The following COL5A1 variants were observed in gnomAD, a reference collection of about 807,000 sequenced individuals.
COL5A1 encodes collagen alpha-1(V) chain.
Under a neutral mutation model 263.7 loss-of-function variants are expected in COL5A1, and 16 were observed. That is an observed-to-expected ratio of 0.06 (90% CI 0.04 to 0.09). COL5A1 has a LOEUF of 0.09. Among genes scored for constraint, COL5A1 ranks in the 10% least tolerant of loss-of-function variants. COL5A1 has a pLI of 1.00. For synonymous variants in COL5A1, 1,012 were observed against 1,004.5 expected (o/e 1.01, Z -0.14); for missense variants, 2,036 against 2,540.5 (o/e 0.80, Z 4.27).
chr9:134,643,889 C>T lies in COL5A1; in HGVS notation c.109+1593C>T, dbSNP rs1171165265. ...AGGGCACTGCCTGGGGACCATGCACCGGACTGGGCTTGGGGTTCCATTTCC... is the reference window on the plus strand; with the variant it reads ...AGGGCACTGCCTGGGGACCATGCACTGGACTGGGCTTGGGGTTCCATTTCC... On this transcript the variant is annotated intron_variant, in intron 1 of 65. Coordinates refer to ENST00000371817, the MANE Select transcript of COL5A1 (RefSeq NM_000093.5). 2.0e-5 allele frequency among the ~76,000 whole-genome samples: 3 copies of T among 152,140 alleles called. 1 individual carries two copies. Among genetic ancestry groups the T allele is most frequent in the South Asian group, 4.1e-4 (2 of 4,834 alleles).
At position 134,678,391 on chromosome 9, in the gene COL5A1, G is replaced by A. The variant is rs545085132; in HGVS notation, c.110-12521G>A. Among the ~76,000 whole-genome samples, 69 of 152,342 alleles carry A rather than the reference G, an allele frequency of 4.5e-4. No homozygotes were observed. The South Asian group carries it at 5.2e-3, about 11-fold the overall frequency. Reference sequence around the variant, plus strand: ...TGCCCCTCCCCCATGGTGCTCGGGTGCATGGATGGTGCCCAGGGTCCAGTC... The same window carrying A: ...TGCCCCTCCCCCATGGTGCTCGGGTACATGGATGGTGCCCAGGGTCCAGTC... On this transcript the variant is annotated intron_variant, in intron 1 of 65. Transcript: ENST00000371817. The surrounding 1 kb of genome is among the most constrained non-coding windows in gnomAD (Gnocchi z 5.5).
chr9:134,706,737 C>T (rs922987274), intron 4 of COL5A1, among the ~76,000 whole-genome samples: 3 of 152,240 alleles, frequency 2.0e-5, no homozygotes, highest in Non-Finnish European at 4.4e-5. Context: ...TGTGGGCCCC[C>T]GCCTGGCATT....
chr9:134,707,937 C>A lies in COL5A1; in HGVS notation c.654+6604C>A, dbSNP rs146132579. ...GTGCTGAGCTGTGTGCGGCTGGCGG[C>A]TCCGGGACGTGAGGGGATTCTGCTG... On this transcript the variant is annotated intron_variant, in intron 4 of 65. Coordinates refer to ENST00000371817, the MANE Select transcript of COL5A1 (RefSeq NM_000093.5). 3.1e-3 allele frequency among the ~76,000 whole-genome samples: 476 copies of A among 152,342 alleles called. 1 individual carries two copies. Among genetic ancestry groups the A allele is most frequent in the African/African-American group, 0.011 (461 of 41,578 alleles).
At chr9:134,712,070 G>GCC in intron 4 of COL5A1, among the ~76,000 whole-genome samples, 1 of 36,836 alleles carries the variant, frequency 2.7e-5, no homozygotes, top group East Asian at 6.0e-4. Flanking sequence ...CCTCCTTCCT[G>GCC]TACCCCTCCT....
chr9:134,716,486 G>A lies in COL5A1; in HGVS notation c.655-10780G>A, dbSNP rs183344928. Among the ~76,000 whole-genome samples the A allele has an allele frequency of 2.0e-3, 310 of 152,270 alleles. 2 individuals carry two copies. Among genetic ancestry groups the A allele is most frequent in the African/African-American group, 7.3e-3 (303 of 41,554 alleles). On this transcript the variant is annotated intron_variant, in intron 4 of 65. Coordinates refer to ENST00000371817, the MANE Select transcript of COL5A1 (RefSeq NM_000093.5). This position sits in a 1 kb window ranked among gnomAD's most constrained non-coding sequence, Gnocchi z 4.5. ...GATGTGGAGAAGGAGCAGCTCAAGC[G>A]TGCACTGCCCAAGCCACAAGTGCAG...
In COL5A1 at chr9:134,641,909, TGGA is replaced by T. The variant is rs886063671; in HGVS notation, c.-261_-259del. ...CGGCGAGGAGGAGGCGAGAAGGAGT[TGGA>T]GGAGGAGGAGGAGGAGGCGAGGGCG... On this transcript the variant is annotated 5_prime_UTR_variant, in exon 1 of 66. Coordinates refer to ENST00000371817, the MANE Select transcript of COL5A1 (RefSeq NM_000093.5). 1.7e-3 allele frequency: 595 copies of T among 352,120 alleles called. 1 individual carries two copies. The highest frequency in any genetic ancestry group is 5.9e-3 in the African/African-American group (272 of 46,448). 21.8% of individuals were successfully genotyped at this position (352,120 alleles called of 1,614,324 possible).
chr9:134,732,231 G>A (rs561830420), intron 9 of COL5A1, 104 bp downstream of exon 9: 32 of 1,215,540 alleles, frequency 2.6e-5, no homozygotes, highest in East Asian at 4.7e-5. Context: ...CTGCACCTGC[G>A]CGCACTGGGT....
At chr9:134,762,519 G>C (rs556622976) in intron 19 of COL5A1, among the ~76,000 whole-genome samples, 1 of 152,286 alleles carries the variant, frequency 6.6e-6, no homozygotes, top group South Asian at 2.1e-4. Context: ...CCGGGGTCTG[G>C]TATCTGCCAC....
rs751537287 is a variant in COL5A1, at chr9:134,835,027, G to A, written c.5193G>A (p.Leu1731=). Residue 1731 remains leucine (L), a synonymous_variant, in exon 65 of 66, where the codon CTG becomes CTA. Transcript: ENST00000371817. ...TGGGTGTGGTACAGATGACCTTCCTGCGGCTGCTGAGCGCCTCTGCCCACC... is the reference window on the plus strand; with the variant it reads ...TGGGTGTGGTACAGATGACCTTCCTACGGCTGCTGAGCGCCTCTGCCCACC... The part of the protein sequence containing the change: ...NPVGVVQMTF[L]RLLSASAHQN... 9.3e-6 allele frequency: 15 copies of A among 1,613,494 alleles called. No homozygotes were observed. Among genetic ancestry groups the A allele is most frequent in the Middle Eastern group, 1.6e-4 (1 of 6,062 alleles).
In COL5A1 at chr9:134,757,130, G is replaced by A. The variant is rs1207280356; in HGVS notation, c.1881+312G>A. On this transcript the variant is annotated intron_variant, in intron 17 of 65. Coordinates refer to ENST00000371817, the MANE Select transcript of COL5A1 (RefSeq NM_000093.5). The surrounding 1 kb of genome is among the most constrained non-coding windows in gnomAD (Gnocchi z 6.2). Reference sequence around the variant, plus strand: ...GAGGCGCATGTAGGGCAGAGGCGGGGCATATGGCAAGTGCGGGGGCCAGGG... The same window carrying A: ...GAGGCGCATGTAGGGCAGAGGCGGGACATATGGCAAGTGCGGGGGCCAGGG... Among the ~76,000 whole-genome samples the A allele has an allele frequency of 6.6e-6, 1 of 152,174 alleles. No homozygotes were observed. The highest frequency in any genetic ancestry group is 1.5e-5 in the Non-Finnish European group (1 of 68,030).
At chr9:134,746,283 CT>C (rs1461197865) in intron 11 of COL5A1, among the ~76,000 whole-genome samples, 1 of 152,224 alleles carries the variant, frequency 6.6e-6, no homozygotes, top group Non-Finnish European at 1.5e-5. Context: ...CGCCTGCACA[CT>C]GCCCTCCTGC....
intron 53 of COL5A1, 144 bp downstream of exon 53, chr9:134,817,223 C>A: frequency 2.7e-6 from 2 of 740,452 alleles, no homozygotes; most frequent in South Asian, 1.6e-5. Context: ...CTCCACTTAG[C>A]CTCGGCCACA....
At chr9:134,657,204 C>T (rs1474696586) in intron 1 of COL5A1, among the ~76,000 whole-genome samples, 20 of 2,462 alleles carry the variant, frequency 8.1e-3, no homozygotes, top group Non-Finnish European at 0.014. Context: ...AATATGGGGG[C>T]AGGGTAGGGG....
chr9:134,841,977 T>C lies in COL5A1; in HGVS notation c.5371-180T>C, dbSNP rs536898916. The stretch of plus-strand genomic sequence containing the variant: ...GGACTCTTGGGACATCCACCGGGGT[T>C]AAATGCATGCTCTGATCAGCCATAT... On this transcript the variant is annotated intron_variant, in intron 65 of 65. Transcript: ENST00000371817. This position sits in a 1 kb window ranked among gnomAD's most constrained non-coding sequence, Gnocchi z 4.8. 6.6e-6 allele frequency among the ~76,000 whole-genome samples: 1 copy of C among 152,196 alleles called. No homozygotes were observed. The highest frequency in any genetic ancestry group is 2.4e-5 in the African/African-American group (1 of 41,534).
intron 1 of COL5A1, among the ~76,000 whole-genome samples, chr9:134,667,077 A>G (rs1832383030): frequency 6.6e-6 from 1 of 152,158 alleles, no homozygotes; most frequent in Non-Finnish European, 1.5e-5. Context: ...CTTGTTTTAG[A>G]AAAGAGGAAC....
intron 38 of COL5A1, 31 bp from the exon 39 acceptor site, chr9:134,802,857 C>A: frequency 6.6e-7 from 1 of 1,514,600 alleles, no homozygotes; most frequent in Non-Finnish European, 9.1e-7. Flanking sequence ...TCACTCGAAA[C>A]GTCTGTGGCT....
chr9:134,656,549 G>T (rs912977699), intron 1 of COL5A1, among the ~76,000 whole-genome samples: 3 of 152,180 alleles, frequency 2.0e-5, no homozygotes, highest in African/African-American at 7.2e-5. Flanking sequence ...ATCTAAGGAA[G>T]CAATACTGGT....
At chr9:134,648,474 TC>T (rs1249616979) in intron 1 of COL5A1, among the ~76,000 whole-genome samples, 1 of 152,026 alleles carries the variant, frequency 6.6e-6, no homozygotes, top group Non-Finnish European at 1.5e-5. Flanking sequence ...CCGGCAAGAC[TC>T]CTGGATTCCT....
chr9:134,839,390 G>T (rs927533432), intron 65 of COL5A1, among the ~76,000 whole-genome samples: 1 of 152,194 alleles, frequency 6.6e-6, no homozygotes, highest in African/African-American at 2.4e-5. Flanking sequence ...TTGGAGCAGA[G>T]GGGTCCCATA....
Sources: gnomAD v4.1 joint callset for allele counts (sites outside exome capture counted in the v4.1 genomes callset) on GRCh38, gnomAD v4.1.1 for gene constraint, Gnocchi (gnomAD v3.1) non-coding constraint, MANE v1.5 for transcripts, NCBI Gene and HGNC (gene_info 2026-07-23, HGNC 2026-07-21) for gene names.